The following CPED1 variants were observed in gnomAD, a reference collection of about 807,000 sequenced individuals.
CPED1 encodes the protein cadherin like and PC-esterase domain containing 1.
Under a neutral mutation model 128.2 loss-of-function variants are expected in CPED1, and 114 were observed. That is an observed-to-expected ratio of 0.89 (90% CI 0.76 to 1.04). The LOEUF is 1.04. CPED1 is among the 50% of genes least tolerant of loss of function. The pLI is 0.00. For missense variants in CPED1, 1,211 were observed against 1,207.1 expected, an observed-to-expected ratio of 1.00 and a Z score of -0.05; for synonymous variants, 462 against 426.7, an observed-to-expected ratio of 1.08 and a Z score of -1.02.
At chr7:121,225,401 G>A (rs1176259915) in intron 16 of CPED1, among the ~76,000 whole-genome samples, 3 of 152,170 alleles carry the variant, frequency 2.0e-5, no homozygotes, top group Non-Finnish European at 2.9e-5. Context: ...CTCTCTGGCT[G>A]CCCTTAACAT....
chr7:120,991,741 C>G (rs554801444), intron 2 of CPED1, among the ~76,000 whole-genome samples: 6 of 152,266 alleles, frequency 3.9e-5, no homozygotes, highest in African/African-American at 1.4e-4. Flanking sequence ...AAAACATTCA[C>G]TTGAGAATTT....
chr7:121,159,157 T>C (rs1411136144), intron 16 of CPED1, among the ~76,000 whole-genome samples: 1 of 152,166 alleles, frequency 6.6e-6, no homozygotes, highest in Admixed American at 6.5e-5. Flanking sequence ...TTGATAAATA[T>C]ATTCGACTTC....
chr7:121,097,645 G>C, intron 5 of CPED1, 54 bp from the exon 6 acceptor site: 1 of 1,601,684 alleles, frequency 6.2e-7, no homozygotes, highest in Non-Finnish European at 8.5e-7. Context: ...TTTCAAAGCA[G>C]TTCCAGAAAG....
intron 18 of CPED1, among the ~76,000 whole-genome samples, chr7:121,250,750 C>G (rs1359932209): frequency 2.6e-5 from 4 of 152,096 alleles, no homozygotes; most frequent in African/African-American, 9.7e-5. Flanking sequence ...CACATACACC[C>G]TCCCAAGACT....
intron 2 of CPED1, among the ~76,000 whole-genome samples, chr7:121,010,286 C>A (rs755512710): frequency 2.6e-5 from 4 of 152,096 alleles, no homozygotes; most frequent in Non-Finnish European, 4.4e-5. Context: ...CAGTCTCGCT[C>A]TGTCACCATG....
chr7:121,070,470 A>G (rs1793956810), intron 5 of CPED1, among the ~76,000 whole-genome samples: 2 of 152,072 alleles, frequency 1.3e-5, no homozygotes, highest in African/African-American at 4.8e-5. Flanking sequence ...CCCAAGTAAA[A>G]TTCTCATCTC....
chr7:121,058,140 T>C (rs150288539), intron 4 of CPED1, among the ~76,000 whole-genome samples: 4 of 152,200 alleles, frequency 2.6e-5, no homozygotes, highest in East Asian at 3.9e-4. Context: ...GAGAGGTACC[T>C]GGAGCTGGGG....
chr7:121,111,119 A>G (rs1281783648), intron 7 of CPED1, among the ~76,000 whole-genome samples: 1 of 152,132 alleles, frequency 6.6e-6, no homozygotes. Flanking sequence ...GGAGAGGCAC[A>G]CAGGTTCCTG....
At chr7:121,295,277 T>C (rs1384779842) in intron 22 of CPED1, among the ~76,000 whole-genome samples, 163 bp from the exon 23 acceptor site, 1 of 152,198 alleles carries the variant, frequency 6.6e-6, no homozygotes, top group Non-Finnish European at 1.5e-5. Context: ...CCTTGGTCTT[T>C]TTCGAAACAT....
rs143525750 is a variant in CPED1, at chr7:121,156,834, G to A, written c.2055+14693G>A. 5.7e-3 allele frequency among the ~76,000 whole-genome samples: 865 copies of A among 152,046 alleles called. 8 individuals carry two copies. Among genetic ancestry groups the A allele is most frequent in the African/African-American group, 0.019 (789 of 41,488 alleles). Reference sequence around the variant, plus strand: ...AATAAAATGTGATCTCTCATGGCTCGTACATATTTTTATTGTGTTTAGTGC... The same window carrying A: ...AATAAAATGTGATCTCTCATGGCTCATACATATTTTTATTGTGTTTAGTGC... On this transcript the variant is annotated intron_variant, in intron 16 of 22. Coordinates refer to ENST00000310396, the MANE Select transcript of CPED1 (RefSeq NM_024913.5).
At chr7:121,184,256 A>G (rs555366393) in intron 16 of CPED1, among the ~76,000 whole-genome samples, 5 of 152,162 alleles carry the variant, frequency 3.3e-5, no homozygotes, top group Admixed American at 2.0e-4. Context: ...TTTTTCTACT[A>G]TTTAAGTGAT....
intron 5 of CPED1, among the ~76,000 whole-genome samples, chr7:121,075,977 G>A (rs1373375883): frequency 6.6e-6 from 1 of 152,142 alleles, no homozygotes; most frequent in Non-Finnish European, 1.5e-5. Flanking sequence ...AGAGTCAGCT[G>A]TATTTGTATG....
At chr7:121,124,521 A>T in intron 8 of CPED1, 48 bp downstream of exon 8, 2 of 1,281,576 alleles carry the variant, frequency 1.6e-6, no homozygotes, top group Non-Finnish European at 2.1e-6. Flanking sequence ...AAAGAAAGCA[A>T]CCTATCTTTT....
intron 14 of CPED1, among the ~76,000 whole-genome samples, chr7:121,138,229 TAAAAG>T (rs1563041407): frequency 6.6e-6 from 1 of 152,024 alleles, no homozygotes; most frequent in Non-Finnish European, 1.5e-5. Context: ...ATTCTGCAGT[TAAAAG>T]AAATCCATTA....
At chr7:121,054,848 C>G (rs1793453419) in intron 4 of CPED1, among the ~76,000 whole-genome samples, 1 of 152,056 alleles carries the variant, frequency 6.6e-6, no homozygotes, top group Non-Finnish European at 1.5e-5. Context: ...TGATCCCTAC[C>G]CTTAACAGTC....
intron 22 of CPED1, among the ~76,000 whole-genome samples, chr7:121,292,820 C>A (rs1046576193): frequency 1.3e-5 from 2 of 152,170 alleles, no homozygotes; most frequent in African/African-American, 4.8e-5. Flanking sequence ...CCACCCCAGG[C>A]CCTGTTTACC....
chr7:121,142,672 C>T (rs1278480650), intron 16 of CPED1, among the ~76,000 whole-genome samples: 1 of 151,920 alleles, frequency 6.6e-6, no homozygotes, highest in Non-Finnish European at 1.5e-5. Context: ...GCAACACATA[C>T]CATTTTGTAA....
At chr7:121,025,340 A>G (rs1044307979) in intron 3 of CPED1, among the ~76,000 whole-genome samples, 3 of 152,168 alleles carry the variant, frequency 2.0e-5, no homozygotes, top group African/African-American at 7.2e-5. Context: ...CAATTTACCA[A>G]GAAACTCCTT....
chr7:121,153,584 G>T (rs1796208357), intron 16 of CPED1, among the ~76,000 whole-genome samples: 1 of 152,162 alleles, frequency 6.6e-6, no homozygotes, highest in Non-Finnish European at 1.5e-5. Context: ...TTTCACAGAT[G>T]AATAAAAGGA....
Sources: gnomAD v4.1 joint callset for allele counts (sites outside exome capture counted in the v4.1 genomes callset) on GRCh38, gnomAD v4.1.1 for gene constraint, MANE v1.5 for transcripts, NCBI Gene and HGNC (gene_info 2026-07-23, HGNC 2026-07-21) for gene names.